ETNK1: variants seen among roughly 807,000 people sequenced by gnomAD.
The protein encoded by ETNK1 is putative protein product of Nbla10396.
A neutral mutation model predicts 45.1 loss-of-function variants in ETNK1; 8 were observed. That is an observed-to-expected ratio of 0.18 (90% CI 0.10 to 0.32). ETNK1 has a LOEUF of 0.32. Among genes scored for constraint, ETNK1 ranks in the 10% least tolerant of loss-of-function variants. ETNK1 has a pLI of 1.00. For missense variants in ETNK1, 302 were observed against 430.6 expected (o/e 0.70, Z 2.64); for synonymous variants, 152 against 151.9 (o/e 1.00, Z -0.01).
At position 22,643,822 on chromosome 12, in the gene ETNK1, G is replaced by A. The variant is rs1357264833; in HGVS notation, c.216G>A (p.Glu72=). The A allele has an allele frequency of 1.9e-6, 3 of 1,613,222 alleles. No individual in the cohort carries two copies. The highest frequency in any genetic ancestry group is 2.5e-6 in the Non-Finnish European group (3 of 1,179,362). Residue 72 remains glutamate (E), a synonymous_variant, in exon 2 of 8, where the codon GAG becomes GAA. Transcript: ENST00000266517. ...GCTGTTACGTGGGAAACACCATGGAGGATGTAGTCCTGGTGAGAATTTATG... is the reference window on the plus strand; with the variant it reads ...GCTGTTACGTGGGAAACACCATGGAAGATGTAGTCCTGGTGAGAATTTATG... ...LIGCYVGNTM[E]DVVLVRIYGN... is the part of the protein sequence containing the mutation.
intron 4 of ETNK1, among the ~76,000 whole-genome samples, chr12:22,661,863 C>A (rs371482898): frequency 6.6e-6 from 1 of 152,112 alleles, no homozygotes; most frequent in East Asian, 1.9e-4. Flanking sequence ...TATTCAATTT[C>A]TGTTTTCATA....
chr12:22,627,661 A>G (rs1161515165), intron 1 of ETNK1, among the ~76,000 whole-genome samples: 2 of 152,130 alleles, frequency 1.3e-5, no homozygotes, highest in East Asian at 3.8e-4. Flanking sequence ...GATAAGAATC[A>G]TACCTCACAT....
intron 6 of ETNK1, among the ~76,000 whole-genome samples, chr12:22,681,991 C>T (rs1417609719): frequency 1.3e-5 from 2 of 152,082 alleles, no homozygotes; most frequent in African/African-American, 4.8e-5. Context: ...CTGAATGTAT[C>T]AATTAATTTT....
intron 6 of ETNK1, among the ~76,000 whole-genome samples, chr12:22,677,276 C>G (rs1954171492): frequency 6.6e-6 from 1 of 152,102 alleles, no homozygotes; most frequent in Admixed American, 6.5e-5. Flanking sequence ...AATTTTTTCC[C>G]CATTGCTTGT....
chr12:22,669,404 TC>T (rs560468946), intron 4 of ETNK1, among the ~76,000 whole-genome samples: 9 of 151,988 alleles, frequency 5.9e-5, no homozygotes, highest in Admixed American at 2.0e-4. Context: ...CATTCATCCT[TC>T]CCCCCCATGC....
chr12:22,631,132 A>G (rs187642799), intron 1 of ETNK1, among the ~76,000 whole-genome samples: 19 of 152,170 alleles, frequency 1.2e-4, no homozygotes, highest in African/African-American at 4.6e-4. Context: ...AAGTTATGGT[A>G]GAGGTTACAT....
Position 22,688,317 on chromosome 12 carries a change from A to G in ETNK1, c.*3363A>G, listed in dbSNP as rs374247340. On this transcript the variant is annotated 3_prime_UTR_variant, in exon 8 of 8. Transcript: ENST00000266517. Reference sequence around the variant, plus strand: ...CATAAAAGACAGAAAAGACTTAAGTAATCTTGTAATGACAATTATTTCCAT... The same window carrying G: ...CATAAAAGACAGAAAAGACTTAAGTGATCTTGTAATGACAATTATTTCCAT... The G allele has an allele frequency of 1.1e-4, 16 of 151,992 alleles. 1 individual carries two copies. The highest frequency in any genetic ancestry group is 3.9e-4 in the African/African-American group (16 of 41,552). The allele number at this position is 151,992 out of a possible 1,614,324, so 9.4% of individuals were successfully genotyped here.
At chr12:22,681,183 A>G (rs1188727846) in intron 6 of ETNK1, among the ~76,000 whole-genome samples, 1 of 146,768 alleles carries the variant, frequency 6.8e-6, no homozygotes, top group Admixed American at 6.8e-5. Context: ...ATATTAATTT[A>G]TCACTTTTCC....
At chr12:22,664,612 AT>A (rs1954036509) in intron 4 of ETNK1, among the ~76,000 whole-genome samples, 2 of 152,084 alleles carry the variant, frequency 1.3e-5, no homozygotes, top group African/African-American at 4.8e-5. Context: ...TATGGCAGCA[AT>A]TTTGAAAAGG....
In ETNK1 at chr12:22,688,927, T is replaced by C. The variant is rs1282254705; in HGVS notation, c.*3973T>C. 6.6e-6 allele frequency: 1 copy of C among 151,904 alleles called. No homozygotes were observed. Among genetic ancestry groups the C allele is most frequent in the Non-Finnish European group, 1.5e-5 (1 of 67,820 alleles). 9.4% of individuals were successfully genotyped at this position (151,904 alleles called of 1,614,324 possible). Reference sequence around the variant, plus strand: ...ACCACCTTATTTTAAAATTTTTAACTTTTATATACCACTTGTGTGATTCCA... The same window carrying C: ...ACCACCTTATTTTAAAATTTTTAACCTTTATATACCACTTGTGTGATTCCA... On this transcript the variant is annotated 3_prime_UTR_variant, in exon 8 of 8. Coordinates refer to ENST00000266517, the MANE Select transcript of ETNK1 (RefSeq NM_018638.5).
At position 22,625,653 on chromosome 12, in the gene ETNK1, A is replaced by G. The variant is rs184648729; in HGVS notation, c.156+67A>G. On this transcript the variant is annotated intron_variant, in intron 1 of 7. Transcript: ENST00000266517. ...CGCGGCTCTGGGGGTCCTCACCACA[A>G]TCGCCTCTGTCCCACGATGACCGAG... 83 of 1,512,542 alleles carry G rather than the reference A, an allele frequency of 5.5e-5. No homozygotes were observed. The African/African-American group carries it at 8.9e-4, about 16-fold the overall frequency. 93.7% of individuals were successfully genotyped at this position (1,512,542 alleles called of 1,614,324 possible).
At chr12:22,671,429 A>G (rs1415452711) in intron 5 of ETNK1, 74 bp downstream of exon 5, 3 of 984,780 alleles carry the variant, frequency 3.0e-6, no homozygotes, top group African/African-American at 3.2e-5. Context: ...TTTAAAGTAG[A>G]TAAACCGTGA....
intron 2 of ETNK1, among the ~76,000 whole-genome samples, chr12:22,647,049 A>G (rs1446530649): frequency 2.6e-5 from 4 of 151,846 alleles, no homozygotes; most frequent in Non-Finnish European, 5.9e-5. Flanking sequence ...AGGTAAAGAC[A>G]ATGAGCTATA....
intron 5 of ETNK1, 79 bp from the exon 6 acceptor site, chr12:22,673,421 G>C (rs1954129694): frequency 1.9e-6 from 2 of 1,059,794 alleles, no homozygotes; most frequent in Non-Finnish European, 1.3e-6. Context: ...ATGAAAAAAT[G>C]GTGGTTTTAG....
At chr12:22,644,853 T>C (rs956789777) in intron 2 of ETNK1, among the ~76,000 whole-genome samples, 10 of 151,936 alleles carry the variant, frequency 6.6e-5, no homozygotes, top group Non-Finnish European at 1.0e-4. Context: ...GAAAATAGTT[T>C]CAACTTTACA....
rs1954283014 is a variant in ETNK1, at chr12:22,689,010, GA to G, written c.*4058del. The stretch of plus-strand genomic sequence containing the variant: ...GAAAAGTGTATCAATTATTTTAAAT[GA>G]ATTTTTCCCCATGTTTGAGGCTTAG... On this transcript the variant is annotated 3_prime_UTR_variant, in exon 8 of 8. Coordinates refer to ENST00000266517, the MANE Select transcript of ETNK1 (RefSeq NM_018638.5). 1 of 151,820 alleles carries G rather than the reference GA, an allele frequency of 6.6e-6. No homozygotes were observed. Among genetic ancestry groups the G allele is most frequent in the South Asian group, 2.1e-4 (1 of 4,830 alleles). 9.4% of individuals were successfully genotyped at this position (151,820 alleles called of 1,614,324 possible).
intron 2 of ETNK1, among the ~76,000 whole-genome samples, chr12:22,650,389 A>G (rs894395748): frequency 6.6e-6 from 1 of 151,950 alleles, no homozygotes; most frequent in Non-Finnish European, 1.5e-5. Context: ...ATTACGTGTC[A>G]TTAAGTAGGA....
At chr12:22,684,626 G>A (rs1954243455) in intron 7 of ETNK1, 70 bp downstream of exon 7, 1 of 1,069,118 alleles carries the variant, frequency 9.4e-7, no homozygotes, top group Non-Finnish European at 1.4e-6. Context: ...AGAATTCACA[G>A]GGAATATTGT....
rs189032615 is a variant in ETNK1 at position 22,637,630 on chromosome 12, T to G, written c.157-6133T>G. 2.0e-4 allele frequency among the ~76,000 whole-genome samples: 31 copies of G among 152,258 alleles called. No homozygotes were observed. The East Asian group carries it at 6.0e-3, about 29-fold the overall frequency. On this transcript the variant is annotated intron_variant, in intron 1 of 7. Coordinates refer to ENST00000266517, the MANE Select transcript of ETNK1 (RefSeq NM_018638.5). ...TTCCTTGAGGGCTTTATAGCCCAAT[T>G]TGAAAGTCACTAATATAGAGAGTAC...
Sources: gnomAD v4.1 joint callset for allele counts (sites outside exome capture counted in the v4.1 genomes callset) on GRCh38, gnomAD v4.1.1 for gene constraint, MANE v1.5 for transcripts, NCBI Gene and HGNC (gene_info 2026-07-23, HGNC 2026-07-21) for gene names.